Variants in POLN observed in about 807,000 individuals in gnomAD.
POLN encodes DNA polymerase nu, also known as DNA polymerase N.
A neutral mutation model predicts 113.5 loss-of-function variants in POLN; 108 were observed. That is an observed-to-expected ratio of 0.95 (90% CI 0.81 to 1.12). The LOEUF is 1.12. Ranked by LOEUF, POLN falls within the 50% of genes most tolerant of loss-of-function variation. The pLI, the probability that POLN is intolerant of heterozygous loss-of-function variation, is 0.00. For missense variants in POLN, 1,097 were observed against 1,077.1 expected (o/e 1.02, Z -0.26); for synonymous variants, 386 against 391.5 (o/e 0.99, Z 0.17).
intron 23 of POLN, chr4:2,078,515 G>T: frequency 1.2e-6 from 1 of 849,318 alleles, no homozygotes; most frequent in Non-Finnish European, 1.4e-6. Flanking sequence ...CTCTCGCCCA[G>T]GCTGGAGTGA....
chr4:2,159,021 C>T, intron 14 of POLN, 134 bp downstream of exon 14: 2 of 732,818 alleles, frequency 2.7e-6, no homozygotes, highest in Non-Finnish European at 4.8e-6. Context: ...ACAAGGTTAA[C>T]CTGACAAAAC....
Position 2,127,654 on chromosome 4 carries a change from C to T in POLN, c.1982+459G>A, listed in dbSNP as rs34633252. 6.0e-3 allele frequency among the ~76,000 whole-genome samples: 908 copies of T among 152,346 alleles called. 52 individuals are homozygous for T. The East Asian group carries it at 0.12, about 20-fold the overall frequency. The stretch of plus-strand genomic sequence containing the variant: ...GCCAAGCTGCCCAACAAAACCCGAG[C>T]CCATCTGCCTCTGGAATTCTCTGTG... On this transcript the variant is annotated intron_variant, in intron 19 of 25. Transcript: ENST00000511885. This position sits in a 1 kb window ranked among gnomAD's most constrained non-coding sequence, Gnocchi z 4.7.
Position 2,174,006 on chromosome 4 carries a change from A to G in POLN, c.1323T>C (p.His441=), listed in dbSNP as rs2022302. The change falls in exon 11 of 26, where the codon CAT becomes CAC. Residue 441 remains histidine (H), a synonymous_variant. Coordinates refer to ENST00000511885, the MANE Select transcript of POLN (RefSeq NM_181808.4). ...LIPILAVMES[H]AIQVNKEEME... is the part of the protein sequence containing the mutation. ...TCTCCTCTTTGTTCACCTGAATGGCATGGCTTTCCATCACTGTGATTCGAA... is the reference window on the plus strand; with the variant it reads ...TCTCCTCTTTGTTCACCTGAATGGCGTGGCTTTCCATCACTGTGATTCGAA... 227,030 of 1,613,634 alleles carry G rather than the reference A, an allele frequency of 0.14. 24,824 individuals are homozygous for G. Among genetic ancestry groups the G allele is most frequent in the African/African-American group, 0.52 (39,179 of 74,908 alleles).
intron 16 of POLN, among the ~76,000 whole-genome samples, chr4:2,144,966 A>G (rs1425349952): frequency 6.6e-6 from 1 of 152,242 alleles, no homozygotes; most frequent in African/African-American, 2.4e-5. Context: ...GACCAAAGGC[A>G]CAGAATTGAG....
intron 16 of POLN, among the ~76,000 whole-genome samples, chr4:2,133,499 A>C (rs1731778832): frequency 6.6e-6 from 1 of 152,224 alleles, no homozygotes; most frequent in Non-Finnish European, 1.5e-5. Context: ...AAAGAATGAC[A>C]TCCTGTCATT....
At position 2,189,671 on chromosome 4, in the gene POLN, C is replaced by T. The variant is rs553671744; in HGVS notation, c.1021+3533G>A. ...AAAAAAAGAAAAAAAATCAATGTTA[C>T]ATGAAGCAATCAAAGAGTCAATGCA... On this transcript the variant is annotated intron_variant, in intron 7 of 25. Transcript: ENST00000511885. Among the ~76,000 whole-genome samples the T allele has an allele frequency of 3.3e-5, 5 of 150,750 alleles. No homozygotes were observed. In the South Asian group the frequency reaches 1.1e-3, roughly 32 times the overall value.
intron 6 of POLN, among the ~76,000 whole-genome samples, chr4:2,194,830 G>A (rs1214858221): frequency 1.3e-5 from 2 of 152,114 alleles, no homozygotes; most frequent in African/African-American, 2.4e-5. Context: ...CTGGGAGGTT[G>A]AGGCTGCAAT....
intron 19 of POLN, among the ~76,000 whole-genome samples, chr4:2,107,646 C>T (rs1731097444): frequency 6.6e-6 from 1 of 152,122 alleles, no homozygotes; most frequent in Non-Finnish European, 1.5e-5. Flanking sequence ...AGAGAAAAGG[C>T]CTAAGGCCAG....
At chr4:2,090,043 G>T in intron 20 of POLN, 2 of 888,634 alleles carry the variant, frequency 2.3e-6, no homozygotes, top group Non-Finnish European at 3.6e-6. Flanking sequence ...TGGAACTGAA[G>T]AATTATGAGA....
intron 20 of POLN, among the ~76,000 whole-genome samples, chr4:2,085,965 G>T (rs1486395918): frequency 6.6e-6 from 1 of 152,206 alleles, no homozygotes; most frequent in Non-Finnish European, 1.5e-5. Flanking sequence ...TGCCTGCCAG[G>T]TGTTTCAGGT....
At chr4:2,176,520 G>A (rs1387734287) in intron 8 of POLN, among the ~76,000 whole-genome samples, 186 bp from the exon 9 acceptor site, 16 of 152,206 alleles carry the variant, frequency 1.1e-4, no homozygotes, top group African/African-American at 3.6e-4. Flanking sequence ...TCTGTAGAAA[G>A]TGCTTCTACT....
Position 2,157,892 on chromosome 4 carries a change from G to A in POLN, c.1631C>T (p.Thr544Ile). 6.2e-7 allele frequency: 1 copy of A among 1,607,672 alleles called. No individual in the cohort carries two copies. Among genetic ancestry groups the A allele is most frequent in the Middle Eastern group, 1.7e-4 (1 of 5,980 alleles). ...GCAAGCTAGTAATCCATCTACAAAG[G>A]TTGACTTGATCTTGTGAACCTAAGG... is the stretch of plus-strand genomic sequence containing the variant. ...EYRQVHKIKSTFVDGLLACMK... is the reference protein window; with the variant it reads ...EYRQVHKIKSIFVDGLLACMK... The change falls in exon 15 of 26, where the codon ACC becomes ATC. Residue 544 changes from threonine (T) to isoleucine (I), a missense_variant. Physicochemically the swap from Thr to Ile is moderately conservative, Grantham distance 89 (BLOSUM62 -1). Coordinates refer to ENST00000511885, the MANE Select transcript of POLN (RefSeq NM_181808.4).
chr4:2,210,007 T>TTATATATATATATATATATATACACA (rs139428211), intron 4 of POLN, among the ~76,000 whole-genome samples: 29 of 146,164 alleles, frequency 2.0e-4, no homozygotes, highest in African/African-American at 7.0e-4. Context: ...TAAATTTACT[T>TTATATATATATATATATATATACACA]TATATATATA....
At chr4:2,172,330 T>TGCA (rs1732882668) in intron 11 of POLN, among the ~76,000 whole-genome samples, 1 of 152,226 alleles carries the variant, frequency 6.6e-6, no homozygotes, top group Admixed American at 6.5e-5. Context: ...TTGCCAGTGC[T>TGCA]GCACCTTCTG....
intron 5 of POLN, among the ~76,000 whole-genome samples, chr4:2,201,306 A>AAAAAAGG (rs1733709759): frequency 7.5e-6 from 1 of 134,132 alleles, no homozygotes; most frequent in African/African-American, 2.8e-5. Context: ...AAAAAAAACG[A>AAAAAAGG]GGGGAGAAAT....
At position 2,240,347 on chromosome 4, in the gene POLN, C is replaced by T. The variant is rs565625287; in HGVS notation, c.-13+1173G>A. 4 of 1,601,480 alleles carry T rather than the reference C, an allele frequency of 2.5e-6. No homozygotes were observed. The African/African-American group carries it at 5.4e-5, about 21-fold the overall frequency. ...GCTCTTCCTGACTTAGGTATTTTTCCAAGGAAAATTGCGATAAAAATACCA... is the reference window on the plus strand; with the variant it reads ...GCTCTTCCTGACTTAGGTATTTTTCTAAGGAAAATTGCGATAAAAATACCA... On this transcript the variant is annotated intron_variant, in intron 2 of 25. Transcript: ENST00000511885.
chr4:2,080,639 G>A, intron 23 of POLN: 1 of 1,271,452 alleles, frequency 7.9e-7, no homozygotes, highest in Non-Finnish European at 1.0e-6. Flanking sequence ...AGGGGCTGAG[G>A]GGTTCGCCTG....
chr4:2,077,062 G>GA (rs1025928424), intron 23 of POLN: 5 of 152,184 alleles, frequency 3.3e-5, no homozygotes, highest in African/African-American at 1.2e-4. Context: ...GAGACTCCAG[G>GA]AAAGTCCTAA....
At chr4:2,137,838 CG>C (rs201483990) in intron 16 of POLN, among the ~76,000 whole-genome samples, 1 of 151,876 alleles carries the variant, frequency 6.6e-6, no homozygotes, top group African/African-American at 2.4e-5. Context: ...TTTCTTCGGT[CG>C]GGGGGCGGGT....
Sources: allele counts gnomAD v4.1 joint callset (sites outside exome capture counted in the v4.1 genomes callset), GRCh38; gene constraint gnomAD v4.1.1; non-coding constraint Gnocchi (gnomAD v3.1); transcripts MANE v1.5; gene names NCBI Gene and HGNC (gene_info 2026-07-23, HGNC 2026-07-21).